VEPH1: variants seen among roughly 807,000 people sequenced by gnomAD.
The protein encoded by VEPH1 is ventricular zone expressed PH domain containing 1, also known as ventricular zone-expressed PH domain-containing protein homolog 1.
In VEPH1, 80 loss-of-function variants were observed where a neutral mutation model predicts 85.2. The observed-to-expected ratio is 0.94, with a 90% CI of 0.78 to 1.13. The LOEUF (loss-of-function observed/expected upper bound fraction) is 1.13, where lower values mean the gene tolerates loss of function less well. VEPH1 is among the 50% of genes most tolerant of loss of function. The probability of loss-of-function intolerance (pLI) is 0.00; values close to 1 mark genes in which losing one functional copy is unlikely to be tolerated. For missense variants in VEPH1, 955 were observed against 980.5 expected (o/e 0.97, Z 0.35); for synonymous variants, 297 against 348.0 (o/e 0.85, Z 1.63).
At chr3:157,392,212 A>C (rs1729927544) in intron 6 of VEPH1, among the ~76,000 whole-genome samples, 1 of 152,210 alleles carries the variant, frequency 6.6e-6, no homozygotes, top group Non-Finnish European at 1.5e-5. Flanking sequence ...TAGTATCAAA[A>C]CCTCATATAT....
intron 4 of VEPH1, among the ~76,000 whole-genome samples, chr3:157,450,630 T>C (rs1001662380): frequency 1.3e-5 from 2 of 151,640 alleles, no homozygotes; most frequent in African/African-American, 4.8e-5. Context: ...ATATCTCCTC[T>C]AATCATGTTA....
At chr3:157,452,183 T>A (rs760195902) in intron 4 of VEPH1, among the ~76,000 whole-genome samples, 2 of 152,106 alleles carry the variant, frequency 1.3e-5, no homozygotes, top group Admixed American at 6.6e-5. Context: ...TCAGAGCACA[T>A]GCAGGGGAGG....
At chr3:157,459,647 T>C in intron 4 of VEPH1, 1 of 1,311,904 alleles carries the variant, frequency 7.6e-7, no homozygotes, top group Non-Finnish European at 9.7e-7. Flanking sequence ...TTTGAGCTTC[T>C]TATTCATTCA....
intron 6 of VEPH1, among the ~76,000 whole-genome samples, chr3:157,405,624 GCTGA>G (rs1356398222): frequency 1.3e-5 from 2 of 152,070 alleles, no homozygotes; most frequent in Non-Finnish European, 2.9e-5. Context: ...CCTTTTCCTG[GCTGA>G]CTGCCACTGA....
At chr3:157,488,758 G>A (rs1738912230) in intron 2 of VEPH1, among the ~76,000 whole-genome samples, 2 of 151,738 alleles carry the variant, frequency 1.3e-5, no homozygotes, top group African/African-American at 2.4e-5. Context: ...TGACAGCTCA[G>A]ACTTTACACA....
intron 3 of VEPH1, among the ~76,000 whole-genome samples, chr3:157,465,286 G>A (rs914345781): frequency 4.6e-5 from 7 of 152,170 alleles, no homozygotes; most frequent in African/African-American, 1.7e-4. Context: ...TTTGGGGAAA[G>A]GAGAGACAGG....
intron 2 of VEPH1, among the ~76,000 whole-genome samples, chr3:157,483,323 C>T (rs896232728): frequency 6.6e-6 from 1 of 152,014 alleles, no homozygotes; most frequent in Non-Finnish European, 1.5e-5. Flanking sequence ...CAACACAGAC[C>T]ACTCAGTACT....
intron 6 of VEPH1, among the ~76,000 whole-genome samples, chr3:157,392,106 T>C (rs1199414073): frequency 6.6e-6 from 1 of 152,194 alleles, no homozygotes; most frequent in Non-Finnish European, 1.5e-5. Context: ...AATGAAAGAA[T>C]GATACCTGCT....
intron 6 of VEPH1, among the ~76,000 whole-genome samples, chr3:157,390,117 G>C (rs186744801): frequency 6.6e-6 from 1 of 152,286 alleles, no homozygotes; most frequent in East Asian, 1.9e-4. Flanking sequence ...CTTTTCACTT[G>C]CAACCTGGTT....
At chr3:157,350,761 T>C (rs1041584454) in intron 9 of VEPH1, among the ~76,000 whole-genome samples, 2 of 152,120 alleles carry the variant, frequency 1.3e-5, no homozygotes, top group Admixed American at 6.5e-5. Context: ...CCGACAAATA[T>C]ATGAAAAAAT....
At chr3:157,376,253 T>C (rs181188837) in intron 7 of VEPH1, among the ~76,000 whole-genome samples, 25 of 152,294 alleles carry the variant, frequency 1.6e-4, no homozygotes, top group African/African-American at 5.5e-4. Context: ...CTGTGACAAA[T>C]TGCCCCCATT....
intron 9 of VEPH1, among the ~76,000 whole-genome samples, chr3:157,355,980 G>A (rs1725382462): frequency 6.6e-6 from 1 of 150,824 alleles, no homozygotes; most frequent in African/African-American, 2.4e-5. Context: ...GCTCACTGCA[G>A]CCTCGACCTC....
intron 6 of VEPH1, chr3:157,413,626 C>A: frequency 1.0e-6 from 1 of 985,316 alleles, no homozygotes; most frequent in Non-Finnish European, 1.2e-6. Flanking sequence ...TCCACATAAC[C>A]CTGCTACTTG....
intron 4 of VEPH1, among the ~76,000 whole-genome samples, chr3:157,450,354 G>A (rs76841301): frequency 0.012 from 1,890 of 151,952 alleles, 43 homozygotes; most frequent in African/African-American, 0.04. Context: ...ACCACACCCA[G>A]CCAGAATATT....
At chr3:157,342,708 A>G (rs1723730165) in intron 9 of VEPH1, among the ~76,000 whole-genome samples, 1 of 152,222 alleles carries the variant, frequency 6.6e-6, no homozygotes, top group Non-Finnish European at 1.5e-5. Flanking sequence ...TCCACCCCAA[A>G]TCCAACAGAA....
At chr3:157,263,972 C>A (rs1713264285) in intron 13 of VEPH1, among the ~76,000 whole-genome samples, 1 of 152,082 alleles carries the variant, frequency 6.6e-6, no homozygotes, top group Admixed American at 6.6e-5. Context: ...CTAATGGGTA[C>A]CCAGACAGCT....
intron 11 of VEPH1, among the ~76,000 whole-genome samples, chr3:157,295,669 G>A (rs1217982012): frequency 6.6e-6 from 1 of 152,052 alleles, no homozygotes; most frequent in East Asian, 1.9e-4. Flanking sequence ...AGTAAACTAC[G>A]GTTGGTCAGG....
chr3:157,371,992 G>T (rs1560004326), intron 7 of VEPH1, among the ~76,000 whole-genome samples: 1 of 152,088 alleles, frequency 6.6e-6, no homozygotes, highest in East Asian at 1.9e-4. Context: ...AATTATAAAG[G>T]ACTGTAAAAA....
intron 12 of VEPH1, among the ~76,000 whole-genome samples, chr3:157,277,104 T>C (rs912067244): frequency 6.6e-6 from 1 of 152,202 alleles, no homozygotes; most frequent in African/African-American, 2.4e-5. Flanking sequence ...TTGCTTAAGC[T>C]GATCTCCAAC....
Sources: gnomAD v4.1 joint callset for allele counts (sites outside exome capture counted in the v4.1 genomes callset) on GRCh38, gnomAD v4.1.1 for gene constraint, MANE v1.5 for transcripts, NCBI Gene and HGNC (gene_info 2026-07-23, HGNC 2026-07-21) for gene names.